The following EDIL3 variants were observed in gnomAD, a reference collection of about 807,000 sequenced individuals.
EDIL3 encodes the protein EGF-like repeat and discoidin I-like domain-containing protein 3.
In EDIL3, 37 loss-of-function variants were observed where a neutral mutation model predicts 67.4. The observed-to-expected ratio is 0.55, with a 90% CI of 0.42 to 0.72. The LOEUF (loss-of-function observed/expected upper bound fraction) is 0.72, where lower values mean the gene tolerates loss of function less well. EDIL3 is among the 30% of genes least tolerant of loss of function. EDIL3 has a pLI of 0.00. For missense variants in EDIL3, 527 were observed against 586.3 expected (o/e 0.90, Z 1.04); for synonymous variants, 195 against 196.3 (o/e 0.99, Z 0.05).
chr5:84,193,856 A>G (rs939902047), intron 3 of EDIL3, among the ~76,000 whole-genome samples: 2 of 151,976 alleles, frequency 1.3e-5, no homozygotes, highest in African/African-American at 4.8e-5. Context: ...AACCCAACAG[A>G]TACTTGCTGA....
intron 9 of EDIL3, among the ~76,000 whole-genome samples, chr5:84,048,743 A>T (rs1746276698): frequency 1.3e-5 from 2 of 152,058 alleles, no homozygotes; most frequent in South Asian, 4.1e-4. Context: ...TACGGCAATG[A>T]ATACATACAC....
chr5:84,249,174 C>T (rs1228762841), intron 2 of EDIL3, among the ~76,000 whole-genome samples: 2 of 151,916 alleles, frequency 1.3e-5, no homozygotes, highest in Non-Finnish European at 2.9e-5. Context: ...TTATTCTACA[C>T]ACTATTTTCT....
chr5:83,984,608 A>G (rs753303287), intron 9 of EDIL3, among the ~76,000 whole-genome samples: 6 of 152,094 alleles, frequency 3.9e-5, no homozygotes, highest in Non-Finnish European at 5.9e-5. Flanking sequence ...TTAAATGTCC[A>G]CTGTCTAGGA....
intron 3 of EDIL3, among the ~76,000 whole-genome samples, chr5:84,218,670 G>A (rs1744280083): frequency 6.6e-6 from 1 of 152,182 alleles, no homozygotes. Flanking sequence ...TGGACCAGAG[G>A]GGAGACCGCT....
intron 9 of EDIL3, among the ~76,000 whole-genome samples, chr5:83,985,202 G>GA (rs5869201): frequency 0.25 from 38,224 of 151,178 alleles, 5,099 homozygotes; most frequent in East Asian, 0.34. Flanking sequence ...TACACCAGAG[G>GA]AAAAAAATCA....
chr5:84,158,277 C>T (rs1448847271), intron 4 of EDIL3, among the ~76,000 whole-genome samples: 3 of 151,984 alleles, frequency 2.0e-5, no homozygotes, highest in Non-Finnish European at 4.4e-5. Context: ...ACCAATTTAC[C>T]TCTTAGCTCT....
intron 1 of EDIL3, among the ~76,000 whole-genome samples, chr5:84,311,171 A>G (rs1481623885): frequency 6.6e-6 from 1 of 152,112 alleles, no homozygotes. Context: ...CATTTTTTAT[A>G]AGCAACTTAT....
intron 1 of EDIL3, among the ~76,000 whole-genome samples, chr5:84,368,326 G>A (rs776387418): frequency 3.9e-5 from 6 of 152,184 alleles, no homozygotes; most frequent in Non-Finnish European, 8.8e-5. Flanking sequence ...CATATATGGT[G>A]AGAGGATTTT....
intron 9 of EDIL3, among the ~76,000 whole-genome samples, chr5:83,980,838 A>G (rs1190248211): frequency 6.6e-6 from 1 of 151,594 alleles, no homozygotes; most frequent in Middle Eastern, 3.2e-3. Flanking sequence ...CTGGTTTTCT[A>G]TATCCTAGTG....
At chr5:84,274,447 T>C (rs531921279) in intron 1 of EDIL3, among the ~76,000 whole-genome samples, 25 of 152,296 alleles carry the variant, frequency 1.6e-4, no homozygotes, top group African/African-American at 5.8e-4. Context: ...AACCTCTCTA[T>C]GGTCACTATT....
intron 1 of EDIL3, among the ~76,000 whole-genome samples, chr5:84,347,244 A>G (rs1358621819): frequency 6.6e-6 from 1 of 152,170 alleles, no homozygotes; most frequent in Non-Finnish European, 1.5e-5. Flanking sequence ...CTCATCAAAT[A>G]TGATGCCCTG....
rs35831418 is a variant in EDIL3 at position 84,245,914 on chromosome 5, T to TA, written c.196+8169dup. On this transcript the variant is annotated intron_variant, in intron 2 of 10. Transcript: ENST00000296591. ...TTTTTCAATAATTTTTTCTAAAATG[T>TA]AAAAAAAAAAAAAAAAAAATCTAAG... 3.6e-3 allele frequency among the ~76,000 whole-genome samples: 525 copies of TA among 144,058 alleles called. 1 individual carries two copies. Among genetic ancestry groups the TA allele is most frequent in the African/African-American group, 0.01 (412 of 39,484 alleles). 94.5% of individuals were successfully genotyped at this position (144,058 alleles called of 152,430 possible). A position where few individuals can be genotyped will look rare whatever the true frequency, so the allele number is the denominator to read the frequency against.
intron 8 of EDIL3, among the ~76,000 whole-genome samples, chr5:84,062,188 A>T (rs541460763): frequency 1.3e-5 from 2 of 152,252 alleles, no homozygotes; most frequent in East Asian, 3.9e-4. Context: ...AAGTCATAAC[A>T]ATTCTCTAAG....
chr5:84,004,908 T>C (rs931771276), intron 9 of EDIL3, among the ~76,000 whole-genome samples: 3 of 151,936 alleles, frequency 2.0e-5, no homozygotes, highest in African/African-American at 7.2e-5. Context: ...GTTTGTTGCT[T>C]AAAATAATAA....
intron 1 of EDIL3, among the ~76,000 whole-genome samples, chr5:84,379,669 C>G (rs1394911255): frequency 6.6e-6 from 1 of 152,040 alleles, no homozygotes; most frequent in Admixed American, 6.5e-5. Context: ...TTAGAAGACT[C>G]CCTCTAAAGT....
chr5:84,041,448 T>A (rs1264230114), intron 9 of EDIL3, among the ~76,000 whole-genome samples: 3 of 151,638 alleles, frequency 2.0e-5, no homozygotes, highest in Non-Finnish European at 4.4e-5. Context: ...GGTGGTGTGC[T>A]TTTTCCCACT....
Position 84,154,598 on chromosome 5 carries a change from G to A in EDIL3, c.356-17244C>T, listed in dbSNP as rs79151318. On this transcript the variant is annotated intron_variant, in intron 4 of 10. Transcript: ENST00000296591. The stretch of plus-strand genomic sequence containing the variant: ...ATTTAATTTTTTTTTTTGCTTGTTA[G>A]GAGAAGTATAAACTTATTCACCATG... Among the ~76,000 whole-genome samples, 1,131 of 149,822 alleles carry A rather than the reference G, an allele frequency of 7.5e-3. 17 individuals are homozygous for A. The highest frequency in any genetic ancestry group is 0.027 in the African/African-American group (1,087 of 40,730).
chr5:84,239,465 T>C (rs1232282370), intron 2 of EDIL3, among the ~76,000 whole-genome samples: 1 of 152,102 alleles, frequency 6.6e-6, no homozygotes, highest in Non-Finnish European at 1.5e-5. Context: ...ATATTTTAAG[T>C]TCTGGGGTAC....
intron 1 of EDIL3, among the ~76,000 whole-genome samples, chr5:84,295,744 A>C (rs1746038155): frequency 1.3e-5 from 2 of 152,172 alleles, no homozygotes. Context: ...TTATATACAA[A>C]AACTTGGGTT....
Sources: gnomAD v4.1 joint callset for allele counts (sites outside exome capture counted in the v4.1 genomes callset) on GRCh38, gnomAD v4.1.1 for gene constraint, MANE v1.5 for transcripts, NCBI Gene and HGNC (gene_info 2026-07-23, HGNC 2026-07-21) for gene names.